Variants in BMP2K observed in about 807,000 individuals in gnomAD.
BMP2K encodes BMP-2-inducible protein kinase.
A neutral mutation model predicts 116.0 loss-of-function variants in BMP2K; 74 were observed. That is an observed-to-expected ratio of 0.64 (90% CI 0.53 to 0.77). BMP2K has a LOEUF of 0.77. Among genes scored for constraint, BMP2K ranks in the 30% least tolerant of loss-of-function variants. BMP2K has a pLI of 0.00. For missense variants in BMP2K, 1,365 were observed against 1,403.6 expected (o/e 0.97, Z 0.44); for synonymous variants, 486 against 502.5 (o/e 0.97, Z 0.44).
At chr4:78,887,862 T>TG (rs1248030554) in intron 15 of BMP2K, among the ~76,000 whole-genome samples, 1 of 152,132 alleles carries the variant, frequency 6.6e-6, no homozygotes, top group African/African-American at 2.4e-5. Flanking sequence ...ATGGTTATAG[T>TG]GGAAAAAAAG....
intron 13 of BMP2K, among the ~76,000 whole-genome samples, chr4:78,877,671 C>A (rs1046526988): frequency 2.0e-5 from 3 of 152,124 alleles, no homozygotes; most frequent in Non-Finnish European, 4.4e-5. Context: ...GAACATAACT[C>A]AAAAATATGG....
At chr4:78,791,605 A>G (rs1319846201) in intron 1 of BMP2K, among the ~76,000 whole-genome samples, 1 of 152,058 alleles carries the variant, frequency 6.6e-6, no homozygotes, top group Non-Finnish European at 1.5e-5. Flanking sequence ...CCAACTTTCC[A>G]CTTCCCCTAT....
chr4:78,856,159 T>C (rs1192747508), intron 7 of BMP2K, among the ~76,000 whole-genome samples: 2 of 152,174 alleles, frequency 1.3e-5, no homozygotes, highest in Admixed American at 6.6e-5. Context: ...TTAGAAAAAC[T>C]ATAAAAATTG....
chr4:78,805,840 G>A (rs572274591), intron 1 of BMP2K, among the ~76,000 whole-genome samples: 36 of 152,050 alleles, frequency 2.4e-4, no homozygotes, highest in Non-Finnish European at 4.9e-4. Context: ...GCACGGTGGC[G>A]GGCGTTTGTA....
chr4:78,882,761 A>T (rs1029104062), intron 14 of BMP2K, among the ~76,000 whole-genome samples: 1 of 152,058 alleles, frequency 6.6e-6, no homozygotes, highest in African/African-American at 2.4e-5. Context: ...AAAATAGAAG[A>T]TAACTAAAGA....
In BMP2K at chr4:78,910,674, C is replaced by A; in HGVS notation, c.2127C>A (p.Ile709=). 2 of 1,604,344 alleles carry A rather than the reference C, an allele frequency of 1.2e-6. No homozygotes were observed. Among genetic ancestry groups the A allele is most frequent in the Non-Finnish European group, 1.7e-6 (2 of 1,176,844 alleles). The change falls in exon 16 of 16, where the codon ATC becomes ATA. Residue 709 remains isoleucine, a synonymous_variant. Coordinates refer to ENST00000502613, the MANE Select transcript of BMP2K (RefSeq NM_198892.2). The part of the protein sequence containing the change: ...INQENGTANP[I]KNGKTSPASK... The stretch of plus-strand genomic sequence containing the variant: ...AAGAAAATGGCACTGCAAACCCTAT[C>A]AAGAACGGTAAAACAAGTCCAGCAT...
At chr4:78,802,827 A>G (rs1192383628) in intron 1 of BMP2K, among the ~76,000 whole-genome samples, 2 of 147,660 alleles carry the variant, frequency 1.4e-5, no homozygotes, top group Non-Finnish European at 2.9e-5. Context: ...TCGAATCAGC[A>G]TTTATAATCT....
At chr4:78,905,312 C>T (rs1018322609) in intron 15 of BMP2K, among the ~76,000 whole-genome samples, 7 of 151,652 alleles carry the variant, frequency 4.6e-5, no homozygotes, top group Non-Finnish European at 8.9e-5. Context: ...ATTTTTAGTT[C>T]GTAGTTCCAA....
intron 7 of BMP2K, among the ~76,000 whole-genome samples, chr4:78,851,737 T>G (rs981557018): frequency 6.6e-6 from 1 of 152,098 alleles, no homozygotes; most frequent in African/African-American, 2.4e-5. Context: ...TTCTTTATGC[T>G]AAAATTGCAG....
At position 78,912,249 on chromosome 4, in the gene BMP2K, TCTAA is replaced by T. The variant is rs1363678379; in HGVS notation, c.*221_*224del. The T allele has an allele frequency of 2.8e-5, 14 of 498,616 alleles. No individual in the cohort carries two copies. The highest frequency in any genetic ancestry group is 3.9e-5 in the African/African-American group (2 of 51,502). The allele number at this position is 498,616 out of a possible 1,614,324, so 30.9% of individuals were successfully genotyped here. ...GAGAAAAGGGAGCTAAATTGCAAGC[TCTAA>T]CTAAGGGTTTCTGCTACTGACATCA... On this transcript the variant is annotated 3_prime_UTR_variant, in exon 16 of 16. Coordinates refer to ENST00000502613, the MANE Select transcript of BMP2K (RefSeq NM_198892.2).
intron 15 of BMP2K, among the ~76,000 whole-genome samples, chr4:78,893,550 T>C (rs376203693): frequency 1.4e-4 from 22 of 152,354 alleles, no homozygotes; most frequent in African/African-American, 4.8e-4. Context: ...TATAACCTTA[T>C]GAAATGTATT....
chr4:78,805,602 T>C (rs1728778043), intron 1 of BMP2K, among the ~76,000 whole-genome samples: 1 of 152,240 alleles, frequency 6.6e-6, no homozygotes, highest in Non-Finnish European at 1.5e-5. Flanking sequence ...AAATATTTTA[T>C]TATTTCTGAT....
chr4:78,841,231 A>G (rs1249464089), intron 3 of BMP2K, among the ~76,000 whole-genome samples: 1 of 152,218 alleles, frequency 6.6e-6, no homozygotes, highest in Admixed American at 6.5e-5. Context: ...TAGATTGTAA[A>G]ATAGCATATG....
At chr4:78,779,375 G>T (rs1727395552) in intron 1 of BMP2K, among the ~76,000 whole-genome samples, 1 of 152,148 alleles carries the variant, frequency 6.6e-6, no homozygotes, top group African/African-American at 2.4e-5. Context: ...TGTAGTCTTT[G>T]CTCCTTGAAC....
Position 78,911,779 on chromosome 4 carries a change from G to C in BMP2K, c.3232G>C (p.Asp1078His). 6.2e-7 allele frequency: 1 copy of C among 1,613,962 alleles called. No homozygotes were observed. Residue 1078 changes from aspartate (D) to histidine (H), a missense_variant, in exon 16 of 16, where the codon GAC (aspartate) becomes CAC (histidine). Asp to His is a moderately conservative substitution (Grantham distance 81). Transcript: ENST00000502613. ...CGGTGCCAAGCCCTTCCATTCTCCA[G>C]ACCTGTCATGGCACCCTCCACATCA... ...PFGAKPFHSPDLSWHPPHQGL... is the reference protein window; with the variant it reads ...PFGAKPFHSPHLSWHPPHQGL...
At chr4:78,862,978 A>G (rs1731866244) in intron 9 of BMP2K, among the ~76,000 whole-genome samples, 1 of 152,120 alleles carries the variant, frequency 6.6e-6, no homozygotes, top group African/African-American at 2.4e-5. Context: ...GTTTTTTAAA[A>G]TAATTAGTAA....
chr4:78,844,684 C>A (rs1730913448), intron 4 of BMP2K, among the ~76,000 whole-genome samples: 1 of 151,514 alleles, frequency 6.6e-6, no homozygotes, highest in Non-Finnish European at 1.5e-5. Context: ...TATATTTTTG[C>A]TCCCATTCAT....
chr4:78,802,853 C>G (rs28621590), intron 1 of BMP2K, among the ~76,000 whole-genome samples: 28,218 of 149,278 alleles, frequency 0.19, 5,576 homozygotes, highest in African/African-American at 0.5. Flanking sequence ...TTTTTGTTCT[C>G]TTTTTTGTTT....
chr4:78,825,160 T>C, intron 1 of BMP2K, among the ~76,000 whole-genome samples: 1 of 152,122 alleles, frequency 6.6e-6, no homozygotes, highest in South Asian at 2.1e-4. Context: ...GCCGAGATTG[T>C]GCCACTGTAC....
Sources: allele counts gnomAD v4.1 joint callset (sites outside exome capture counted in the v4.1 genomes callset), GRCh38; gene constraint gnomAD v4.1.1; transcripts MANE v1.5; gene names NCBI Gene and HGNC (gene_info 2026-07-23, HGNC 2026-07-21).